PSMD12: variants seen among roughly 807,000 people sequenced by gnomAD.
PSMD12 encodes proteasome 26S subunit, non-ATPase 12.
PSMD12 carries 8 observed loss-of-function variants against 62.9 expected under a neutral mutation model. The observed-to-expected ratio is 0.13, with a 90% CI of 0.07 to 0.23. The LOEUF is 0.23. Ranked by LOEUF, PSMD12 falls within the 10% of genes least tolerant of loss-of-function variation. The pLI, the probability that PSMD12 is intolerant of heterozygous loss-of-function variation, is 1.00. For missense variants in PSMD12, 424 were observed against 550.2 expected, an observed-to-expected ratio of 0.77 and a Z score of 2.29; for synonymous variants, 173 against 187.4, an observed-to-expected ratio of 0.92 and a Z score of 0.63.
At chr17:67,345,939 T>A in intron 7 of PSMD12, 82 bp from the exon 8 acceptor site, 1 of 1,264,708 alleles carries the variant, frequency 7.9e-7, no homozygotes. Flanking sequence ...ATGGAATAAC[T>A]ATATATCCAT....
chr17:67,337,917 G>C lies in PSMD12; in HGVS notation c.*2926C>G, dbSNP rs2041874258. On this transcript the variant is annotated 3_prime_UTR_variant, in exon 11 of 11. Transcript: ENST00000356126. ...GACAATGAGAACTGAAAAGAGAAGT[G>C]ATCTTTTAAAGTATGAGTTTATTCT... 6.6e-6 allele frequency: 1 copy of C among 152,194 alleles called. No individual in the cohort carries two copies. The highest frequency in any genetic ancestry group is 2.1e-4 in the South Asian group (1 of 4,836). The allele number at this position is 152,194 out of a possible 1,614,324, so 9.4% of individuals were successfully genotyped here. A position where few individuals can be genotyped will look rare whatever the true frequency, so the allele number is the denominator to read the frequency against.
chr17:67,350,426 T>C (rs2042006749), intron 3 of PSMD12, 90 bp from the exon 4 acceptor site: 2 of 948,914 alleles, frequency 2.1e-6, no homozygotes, highest in Non-Finnish European at 3.0e-6. Context: ...TGATCGAACT[T>C]GGTCTTCCCA....
At chr17:67,364,614 G>C (rs2042162790) in intron 1 of PSMD12, among the ~76,000 whole-genome samples, 2 of 152,174 alleles carry the variant, frequency 1.3e-5, no homozygotes, top group South Asian at 4.1e-4. Flanking sequence ...TCTTCCTTAT[G>C]GACACTATCA....
intron 3 of PSMD12, among the ~76,000 whole-genome samples, chr17:67,353,471 T>A (rs2042038021): frequency 6.6e-6 from 1 of 152,008 alleles, no homozygotes; most frequent in South Asian, 2.1e-4. Context: ...GCCTGGCTAA[T>A]TGTTTTTGTA....
intron 3 of PSMD12, among the ~76,000 whole-genome samples, chr17:67,355,714 A>G (rs1303765494): frequency 2.6e-5 from 4 of 152,210 alleles, no homozygotes; most frequent in African/African-American, 2.4e-5. Context: ...ACATTTAAAT[A>G]TATCTCAAGA....
intron 3 of PSMD12, 94 bp downstream of exon 3, chr17:67,357,209 T>C: frequency 7.2e-7 from 1 of 1,389,396 alleles, no homozygotes; most frequent in Non-Finnish European, 9.7e-7. Flanking sequence ...CAACGTTGAC[T>C]TAACACATTT....
chr17:67,346,129 A>C (rs1380712689), intron 7 of PSMD12, among the ~76,000 whole-genome samples: 1 of 152,114 alleles, frequency 6.6e-6, no homozygotes, highest in African/African-American at 2.4e-5. Flanking sequence ...ACGGTGGTTC[A>C]CGCCTATAAT....
chr17:67,364,912 G>A (rs779377478), intron 1 of PSMD12, among the ~76,000 whole-genome samples: 25 of 152,062 alleles, frequency 1.6e-4, no homozygotes, highest in African/African-American at 2.4e-4. Context: ...GGCCAGCCGC[G>A]GTGGCTCACG....
At chr17:67,362,170 CAA>C (rs1168798918) in intron 1 of PSMD12, among the ~76,000 whole-genome samples, 1 of 152,112 alleles carries the variant, frequency 6.6e-6, no homozygotes, top group African/African-American at 2.4e-5. Flanking sequence ...ACAACATAAT[CAA>C]AAAGAGAGAA....
intron 1 of PSMD12, among the ~76,000 whole-genome samples, chr17:67,360,124 A>C (rs1478804580): frequency 6.6e-6 from 1 of 152,214 alleles, no homozygotes; most frequent in African/African-American, 2.4e-5. Flanking sequence ...CGCTTTGATC[A>C]AAGTCATCTC....
At chr17:67,346,165 G>A (rs1180893842) in intron 7 of PSMD12, among the ~76,000 whole-genome samples, 1 of 152,132 alleles carries the variant, frequency 6.6e-6, no homozygotes, top group Non-Finnish European at 1.5e-5. Context: ...GGCCCAGGCG[G>A]GCGGATCACC....
At chr17:67,348,700 T>C in intron 4 of PSMD12, 46 bp from the exon 5 acceptor site, 1 of 1,546,638 alleles carries the variant, frequency 6.5e-7, no homozygotes, top group Non-Finnish European at 8.8e-7. Context: ...GGAAACGTGT[T>C]AAAATTTAAA....
At chr17:67,356,013 C>T (rs2042067482) in intron 3 of PSMD12, among the ~76,000 whole-genome samples, 2 of 138,418 alleles carry the variant, frequency 1.4e-5, no homozygotes, top group Admixed American at 7.1e-5. Context: ...CACACACGCA[C>T]ACACACACAA....
chr17:67,348,424 T>C (rs2041987997), intron 5 of PSMD12, 126 bp downstream of exon 5: 1 of 761,654 alleles, frequency 1.3e-6, no homozygotes, highest in African/African-American at 1.8e-5. Flanking sequence ...TCACAGGCTT[T>C]CAATCAAAAT....
intron 3 of PSMD12, 38 bp downstream of exon 3, chr17:67,357,265 T>C: frequency 6.3e-7 from 1 of 1,578,116 alleles, no homozygotes; most frequent in Non-Finnish European, 8.6e-7. Context: ...GAAATACAAA[T>C]GCTTTTGTGT....
rs903796914 is a variant in PSMD12, at chr17:67,345,938, C to CT, written c.796-82dup. 3.2e-6 allele frequency: 4 copies of CT among 1,269,344 alleles called. No individual in the cohort carries two copies. The African/African-American group carries it at 4.6e-5, about 14-fold the overall frequency. 78.6% of individuals were successfully genotyped at this position (1,269,344 alleles called of 1,614,324 possible). ...CAAAAACTGAACAATCATGGAATAACTATATATCCATTTCAAATTTTAAAG... is the reference window on the plus strand; with the variant it reads ...CAAAAACTGAACAATCATGGAATAACTTATATATCCATTTCAAATTTTAAAG... On this transcript the variant is annotated intron_variant, in intron 7 of 10. Coordinates refer to ENST00000356126, the MANE Select transcript of PSMD12 (RefSeq NM_002816.5).
In PSMD12 at chr17:67,347,373, T is replaced by G; in HGVS notation, c.623A>C (p.Lys208Thr). 1 of 1,614,044 alleles carries G rather than the reference T, an allele frequency of 6.2e-7. No individual in the cohort carries two copies. Among genetic ancestry groups the G allele is most frequent in the Non-Finnish European group, 8.5e-7 (1 of 1,179,966 alleles). ...DYIRTQIISK[K>T]INTKFFQEEN... is the part of the protein sequence containing the mutation. ...TTCCTGGAAAAATTTGGTGTTAATTTTCTTGCTGATGATTTGTGTTCGAAT... is the reference window on the plus strand; with the variant it reads ...TTCCTGGAAAAATTTGGTGTTAATTGTCTTGCTGATGATTTGTGTTCGAAT... Residue 208 changes from lysine (K) to threonine (T), a missense_variant, in exon 6 of 11, where the codon AAA (lysine) becomes ACA (threonine). Coordinates refer to ENST00000356126, the MANE Select transcript of PSMD12 (RefSeq NM_002816.5).
Position 67,350,225 on chromosome 17 carries a change from T to C in PSMD12, c.405+4A>G. The C allele has an allele frequency of 1.3e-6, 2 of 1,590,304 alleles. No homozygotes were observed. The highest frequency in any genetic ancestry group is 1.7e-6 in the Non-Finnish European group (2 of 1,165,700). On this transcript the variant is annotated splice_donor_region_variant and intron_variant, in intron 4 of 10. Coordinates refer to ENST00000356126, the MANE Select transcript of PSMD12 (RefSeq NM_002816.5). ...ATTTTGAGTTATGTCAACAGAAAAT[T>C]TACCTTGCCTTCGGTAACCATTCGT...
chr17:67,360,734 A>G lies in PSMD12; in HGVS notation c.109-3156T>C, dbSNP rs887975074. ...AGGGCTGGATCCTCGTTTACTTGTC[A>G]CTTCTCTTTGCACCAACCTCCATAT... On this transcript the variant is annotated intron_variant, in intron 1 of 10. Coordinates refer to ENST00000356126, the MANE Select transcript of PSMD12 (RefSeq NM_002816.5). 2.6e-5 allele frequency among the ~76,000 whole-genome samples: 4 copies of G among 152,124 alleles called. No individual in the cohort carries two copies. In the East Asian group the frequency reaches 5.8e-4, roughly 22 times the overall value.
Sources: allele counts gnomAD v4.1 joint callset (sites outside exome capture counted in the v4.1 genomes callset), GRCh38; gene constraint gnomAD v4.1.1; transcripts MANE v1.5; gene names NCBI Gene and HGNC (gene_info 2026-07-23, HGNC 2026-07-21).